RASIP1: variants seen among roughly 807,000 people sequenced by gnomAD.
RASIP1 encodes Ras interacting protein 1.
Under a neutral mutation model 85.3 loss-of-function variants are expected in RASIP1, and 20 were observed. That is an observed-to-expected ratio of 0.23 (90% CI 0.17 to 0.34). The LOEUF (loss-of-function observed/expected upper bound fraction) is 0.34, where lower values mean the gene tolerates loss of function less well. RASIP1 is among the 10% of genes least tolerant of loss of function. The probability of loss-of-function intolerance (pLI) is 1.00; values close to 1 mark genes in which losing one functional copy is unlikely to be tolerated. For missense variants in RASIP1, 1,170 were observed against 1,390.9 expected (o/e 0.84, Z 2.53); for synonymous variants, 617 against 647.1 (o/e 0.95, Z 0.71).
rs780797185 is a variant in RASIP1, at chr19:48,729,315, G to A, written c.1455C>T (p.Phe485=). Residue 485 remains phenylalanine, a synonymous_variant, in exon 5 of 12, where the codon TTC becomes TTT. Transcript: ENST00000222145. The part of the protein sequence containing the change: ...DLLGLGEHFL[F]MYKDPRTGGS... ...CCCCAGTGCGGGGGTCCTTGTACAT[G>A]AACAGGAAGTGCTCGCCCAGCCCCA... 1.3e-5 allele frequency: 21 copies of A among 1,558,982 alleles called. No individual in the cohort carries two copies. Among genetic ancestry groups the A allele is most frequent in the Non-Finnish European group, 1.7e-5 (20 of 1,152,308 alleles).
At chr19:48,727,682 C>CTTTTTTT (rs778318979) in intron 5 of RASIP1, among the ~76,000 whole-genome samples, 1 of 121,800 alleles carries the variant, frequency 8.2e-6, no homozygotes. Flanking sequence ...CATACGGATT[C>CTTTTTTT]TTTTTTTTTT....
Position 48,739,405 on chromosome 19 carries a change from C to T in RASIP1, c.378G>A (p.Glu126=), listed in dbSNP as rs543231869. 27 of 1,369,112 alleles carry T rather than the reference C, an allele frequency of 2.0e-5. No homozygotes were observed. In the East Asian group the frequency reaches 5.6e-4, roughly 28 times the overall value. The allele number at this position is 1,369,112 out of a possible 1,614,324, so 84.8% of individuals were successfully genotyped here. The change falls in exon 3 of 12, where the codon GAG becomes GAA. Residue 126 remains glutamate, a synonymous_variant. Transcript: ENST00000222145. The surrounding 1 kb of genome is among the most constrained non-coding windows in gnomAD (Gnocchi z 9.2). ...QRWASEKKLP[E]LAAGVAPEPP... ...GCTCGGGGGCCACGCCCGCCGCCAG[C>T]TCCGGCAGCTTCTTCTCGCTGGCCC...
chr19:48,729,603 C>A lies in RASIP1; in HGVS notation c.1180-13G>T. ...ACACCACAAAGTCCTGGAGGGGAAACGAGGATGCACTAAGGACATCACTTC... is the reference window on the plus strand; with the variant it reads ...ACACCACAAAGTCCTGGAGGGGAAAAGAGGATGCACTAAGGACATCACTTC... On this transcript the variant is annotated splice_polypyrimidine_tract_variant and intron_variant, in intron 4 of 11. Coordinates refer to ENST00000222145, the MANE Select transcript of RASIP1 (RefSeq NM_017805.3). The A allele has an allele frequency of 6.3e-7, 1 of 1,577,934 alleles. No homozygotes were observed. Among genetic ancestry groups the A allele is most frequent in the South Asian group, 1.2e-5 (1 of 86,398 alleles).
rs578030645 is a variant in RASIP1, at chr19:48,740,494, T to C, written c.-5+27A>G. On this transcript the variant is annotated intron_variant, in intron 1 of 11. Transcript: ENST00000222145. The surrounding 1 kb of genome is among the most constrained non-coding windows in gnomAD (Gnocchi z 5.5). ...GTCTTGGGGCCCAGGGAGGAGGGGT[T>C]TGGGCTGCTGGGTCCCTGGCTCTTA... is the stretch of plus-strand genomic sequence containing the variant. 62 of 1,401,290 alleles carry C rather than the reference T, an allele frequency of 4.4e-5. No homozygotes were observed. The highest frequency in any genetic ancestry group is 5.2e-4 in the Middle Eastern group (2 of 3,836). The allele number at this position is 1,401,290 out of a possible 1,614,324, so 86.8% of individuals were successfully genotyped here.
chr19:48,721,074 G>T, intron 11 of RASIP1, 77 bp from the exon 12 acceptor site: 1 of 1,277,916 alleles, frequency 7.8e-7, no homozygotes, highest in Non-Finnish European at 1.1e-6. Context: ...CCGAGGCTGC[G>T]TCACACCCAA....
Position 48,738,987 on chromosome 19 carries a change from C to T in RASIP1, c.796G>A (p.Glu266Lys). ...GREEARRLEQEAFGAADSEGT... is the reference protein window; with the variant it reads ...GREEARRLEQKAFGAADSEGT... Reference sequence around the variant, plus strand: ...TCGCTGTCCGCGGCCCCGAAGGCCTCCTGCTCCAGGCGCCGCGCCTCCTCG... The same window carrying T: ...TCGCTGTCCGCGGCCCCGAAGGCCTTCTGCTCCAGGCGCCGCGCCTCCTCG... Residue 266 changes from glutamate to lysine, a missense_variant, in exon 3 of 12, where the codon GAG becomes AAG. Glu to Lys is a moderately conservative substitution (Grantham distance 56, BLOSUM62 1). Transcript: ENST00000222145. This position sits in a 1 kb window ranked among gnomAD's most constrained non-coding sequence, Gnocchi z 4.0. 1 of 1,242,314 alleles carries T rather than the reference C, an allele frequency of 8.0e-7. No homozygotes were observed. Among genetic ancestry groups the T allele is most frequent in the Non-Finnish European group, 1.0e-6 (1 of 996,826 alleles). 77.0% of individuals were successfully genotyped at this position (1,242,314 alleles called of 1,614,324 possible).
At position 48,735,136 on chromosome 19, in the gene RASIP1, C is replaced by T. The variant is rs1599746327; in HGVS notation, c.1179+60G>A. ...CCTTCTGGGAGTTGTAGTTTTGTTG[C>T]TCACCCACCAACAGATGGGGTATAG... On this transcript the variant is annotated intron_variant, in intron 4 of 11. Coordinates refer to ENST00000222145, the MANE Select transcript of RASIP1 (RefSeq NM_017805.3). 3.4e-6 allele frequency: 5 copies of T among 1,449,678 alleles called. No homozygotes were observed. In the East Asian group the frequency reaches 9.4e-5, roughly 27 times the overall value. The allele number at this position is 1,449,678 out of a possible 1,614,324, so 89.8% of individuals were successfully genotyped here. A position where few individuals can be genotyped will look rare whatever the true frequency, so the allele number is the denominator to read the frequency against.
chr19:48,729,067 C>T lies in RASIP1; in HGVS notation c.1703G>A (p.Gly568Glu). ...EIVRAAAAGSGDLPPLGPATL... is the reference protein window; with the variant it reads ...EIVRAAAAGSEDLPPLGPATL... ...GGCGGGCCCGAGGGGCGGCAGGTCTCCCGAGCCGGCGGCTGCGGCGCGCAC... is the reference window on the plus strand; with the variant it reads ...GGCGGGCCCGAGGGGCGGCAGGTCTTCCGAGCCGGCGGCTGCGGCGCGCAC... Residue 568 changes from glycine (G) to glutamate (E), a missense_variant, in exon 5 of 12, where the codon GGA becomes GAA. By Grantham distance (98) the Gly-to-Glu change is moderately conservative. This residue lies in a region of RASIP1 where 426 missense variants were observed against 576.2 expected (regional missense o/e 0.74). Transcript: ENST00000222145. 7.2e-7 allele frequency: 1 copy of T among 1,385,030 alleles called. No homozygotes were observed. Among genetic ancestry groups the T allele is most frequent in the Non-Finnish European group, 9.3e-7 (1 of 1,079,272 alleles). The allele number at this position is 1,385,030 out of a possible 1,614,324, so 85.8% of individuals were successfully genotyped here.
chr19:48,726,694 C>A, intron 8 of RASIP1, 91 bp downstream of exon 8: 1 of 1,060,554 alleles, frequency 9.4e-7, no homozygotes. Context: ...GTAGTTCAAA[C>A]AAGAAGTGAT....
rs2033395390 is a variant in RASIP1, at chr19:48,729,008, G to A, written c.1762C>T (p.Arg588Cys). The change falls in exon 5 of 12, where the codon CGT (arginine) becomes TGT (cysteine). Residue 588 changes from arginine to cysteine, a missense_variant. Physicochemically the swap from Arg to Cys is radical, Grantham distance 180. Coordinates refer to ENST00000222145, the MANE Select transcript of RASIP1 (RefSeq NM_017805.3). ...GGCAGGTGGCCCAGCTCCAGCTCACGGGCGGAATGCTGCACGCACAGCGCC... is the reference window on the plus strand; with the variant it reads ...GGCAGGTGGCCCAGCTCCAGCTCACAGGCGGAATGCTGCACGCACAGCGCC... ...LLALCVQHSA[R>C]ELELGHLPRL... 6.9e-7 allele frequency: 1 copy of A among 1,451,622 alleles called. No homozygotes were observed. Among genetic ancestry groups the A allele is most frequent in the Non-Finnish European group, 9.0e-7 (1 of 1,111,260 alleles). 89.9% of individuals were successfully genotyped at this position (1,451,622 alleles called of 1,614,324 possible).
At chr19:48,726,959 G>C (rs2033352432) in intron 7 of RASIP1, 48 bp downstream of exon 7, 2 of 1,612,118 alleles carry the variant, frequency 1.2e-6, no homozygotes, top group Non-Finnish European at 1.7e-6. Flanking sequence ...CCCAGGTGCA[G>C]GGCATGATGG....
intron 5 of RASIP1, 102 bp from the exon 6 acceptor site, chr19:48,727,532 G>A: frequency 7.8e-7 from 1 of 1,274,128 alleles, no homozygotes; most frequent in Non-Finnish European, 1.1e-6. Context: ...ATAGAGACTG[G>A]TCCTACTTTT....
At chr19:48,726,920 C>G in intron 7 of RASIP1, 32 bp from the exon 8 acceptor site, 1 of 1,609,430 alleles carries the variant, frequency 6.2e-7, no homozygotes, top group Non-Finnish European at 8.5e-7. Flanking sequence ...AGAGGGAGAA[C>G]CAGAAGTCGG....
rs2033609625 is a variant in RASIP1, at chr19:48,738,423, TG to T, written c.823+536del. The T allele has an allele frequency of 6.6e-6, 1 of 152,272 alleles. No homozygotes were observed. Among genetic ancestry groups the T allele is most frequent in the African/African-American group, 2.4e-5 (1 of 41,458 alleles). The allele number at this position is 152,272 out of a possible 1,614,324, so 9.4% of individuals were successfully genotyped here. On this transcript the variant is annotated intron_variant, in intron 3 of 11. Transcript: ENST00000222145. The surrounding 1 kb of genome is among the most constrained non-coding windows in gnomAD (Gnocchi z 4.0). ...ACCTCGCAGAAACCTTACCAGAAAGTGGGGATTGGTTAGAGAAAGGAACTTT... is the reference window on the plus strand; with the variant it reads ...ACCTCGCAGAAACCTTACCAGAAAGTGGGATTGGTTAGAGAAAGGAACTTT...
chr19:48,737,604 GCCTGATCTAGGAA>G, intron 3 of RASIP1: 3 of 985,310 alleles, frequency 3.0e-6, no homozygotes, highest in Non-Finnish European at 2.4e-6. Flanking sequence ...GTCCCAGCAG[GCCTGATCTAGGAA>G]CCTGTATTCA....
At position 48,729,205 on chromosome 19, in the gene RASIP1, A is replaced by T; in HGVS notation, c.1565T>A (p.Leu522Gln). The change falls in exon 5 of 12, where the codon CTG becomes CAG. Residue 522 changes from leucine to glutamine, a missense_variant. Physicochemically the swap from Leu to Gln is moderately radical, Grantham distance 113 (BLOSUM62 -2). Around this residue, in one of 4 missense-constraint regions of RASIP1, gnomAD observed 426 missense variants for 576.2 expected, o/e 0.74. Coordinates refer to ENST00000222145, the MANE Select transcript of RASIP1 (RefSeq NM_017805.3). Reference sequence around the variant, plus strand: ...GCGCTCCTGCAGGCCGCGGCCGCACAGGCGACAGGAGAAGGCCCAGCCAGG... The same window carrying T: ...GCGCTCCTGCAGGCCGCGGCCGCACTGGCGACAGGAGAAGGCCCAGCCAGG... ...PGPGWAFSCR[L>Q]CGRGLQERGE... 1 of 1,315,844 alleles carries T rather than the reference A, an allele frequency of 7.6e-7. No homozygotes were observed. The allele number at this position is 1,315,844 out of a possible 1,614,324, so 81.5% of individuals were successfully genotyped here.
Position 48,720,883 on chromosome 19 carries a change from C to T in RASIP1, c.2807G>A (p.Arg936Lys). 3.1e-6 allele frequency: 5 copies of T among 1,614,034 alleles called. No homozygotes were observed. Among genetic ancestry groups the T allele is most frequent in the South Asian group, 2.2e-5 (2 of 91,086 alleles). ...AAGATCCCAGAGGAGGCGGCGGAGC[C>T]TACGGAGTTCACGGTGCAAGGCATC... is the stretch of plus-strand genomic sequence containing the variant. ...TDDALHRELR[R>K]LRRLLWDLEQ... Residue 936 changes from arginine to lysine, a missense_variant, in exon 12 of 12, where the codon AGG becomes AAG. Physicochemically the swap from Arg to Lys is conservative, Grantham distance 26. Around this residue, in one of 4 missense-constraint regions of RASIP1, gnomAD observed 144 missense variants for 125.5 expected, o/e 1.15. Transcript: ENST00000222145.
At position 48,724,332 on chromosome 19, in the gene RASIP1, G is replaced by C; in HGVS notation, c.2544+5C>G. The C allele has an allele frequency of 1.2e-6, 2 of 1,613,172 alleles. No individual in the cohort carries two copies. The highest frequency in any genetic ancestry group is 1.7e-6 in the Non-Finnish European group (2 of 1,179,396). On this transcript the variant is annotated splice_donor_5th_base_variant and intron_variant, in intron 10 of 11. Coordinates refer to ENST00000222145, the MANE Select transcript of RASIP1 (RefSeq NM_017805.3). This position sits in a 1 kb window ranked among gnomAD's most constrained non-coding sequence, Gnocchi z 4.6. ...AGGGGTCAGGTATAGCTGACCAGGA[G>C]TCACCTTGAGCAGGGAAGTGCGGGG...
At chr19:48,735,627 AAG>A in intron 3 of RASIP1, 76 bp from the exon 4 acceptor site, 3 of 1,364,728 alleles carry the variant, frequency 2.2e-6, no homozygotes, top group Non-Finnish European at 2.9e-6. Flanking sequence ...TTATGAGACA[AAG>A]AACTGGTTGC....
Sources: allele counts gnomAD v4.1 joint callset (sites outside exome capture counted in the v4.1 genomes callset), GRCh38; gene constraint gnomAD v4.1.1; regional missense constraint gnomAD v4.1.1; non-coding constraint Gnocchi (gnomAD v3.1); transcripts MANE v1.5; gene names NCBI Gene and HGNC (gene_info 2026-07-23, HGNC 2026-07-21).